TBXAS1: variants seen among roughly 807,000 people sequenced by gnomAD.
The protein encoded by TBXAS1 is thromboxane-A synthase.
In TBXAS1, 48 loss-of-function variants were observed where a neutral mutation model predicts 60.7. The observed-to-expected ratio is 0.79, with a 90% CI of 0.63 to 1.01. TBXAS1 has a LOEUF of 1.01. Among genes scored for constraint, TBXAS1 ranks in the 50% least tolerant of loss-of-function variants. TBXAS1 has a pLI of 0.00. For synonymous variants in TBXAS1, 287 were observed against 269.7 expected (o/e 1.06, Z -0.63); for missense variants, 685 against 686.3 (o/e 1.00, Z 0.02).
chr7:139,956,666 C>T (rs1241629097), intron 7 of TBXAS1, among the ~76,000 whole-genome samples: 1 of 152,230 alleles, frequency 6.6e-6, no homozygotes, highest in Non-Finnish European at 1.5e-5. Flanking sequence ...CTGGCTCCGC[C>T]CTGAAATCGT....
intron 4 of TBXAS1, among the ~76,000 whole-genome samples, chr7:139,820,462 G>A (rs1308337278): frequency 6.6e-6 from 1 of 152,206 alleles, no homozygotes; most frequent in East Asian, 1.9e-4. Flanking sequence ...CTGAATGGTG[G>A]CATTGCTTCA....
At chr7:139,921,615 A>T (rs1806477675) in intron 4 of TBXAS1, among the ~76,000 whole-genome samples, 1 of 152,184 alleles carries the variant, frequency 6.6e-6, no homozygotes, top group Admixed American at 6.5e-5. Flanking sequence ...AGGGAAGAGG[A>T]TGCCTTGAGC....
chr7:139,894,587 A>G (rs1803929797), intron 3 of TBXAS1, among the ~76,000 whole-genome samples: 1 of 152,208 alleles, frequency 6.6e-6, no homozygotes, highest in South Asian at 2.1e-4. Context: ...TGACCCAGGT[A>G]TCCAAGGGAT....
chr7:140,015,284 G>C (rs1814937198), intron 10 of TBXAS1, among the ~76,000 whole-genome samples: 1 of 152,074 alleles, frequency 6.6e-6, no homozygotes, highest in Admixed American at 6.5e-5. Context: ...GGGAGCGAGA[G>C]GGTGAGCAAG....
At chr7:139,976,583 A>C (rs181575604) in intron 9 of TBXAS1, among the ~76,000 whole-genome samples, 2 of 152,252 alleles carry the variant, frequency 1.3e-5, no homozygotes, top group Admixed American at 1.3e-4. Context: ...TGTGCATGCC[A>C]CCGGTCAGAC....
intron 1 of TBXAS1, among the ~76,000 whole-genome samples, chr7:139,842,982 C>T (rs569388887): frequency 1.8e-4 from 27 of 152,208 alleles, no homozygotes; most frequent in Non-Finnish European, 2.5e-4. Flanking sequence ...GCCTTGTTTC[C>T]CTGAGCACTG....
chr7:139,807,174 G>A (rs1372062423), intron 4 of TBXAS1, among the ~76,000 whole-genome samples: 3 of 152,196 alleles, frequency 2.0e-5, no homozygotes, highest in African/African-American at 7.2e-5. Context: ...GGTCTCAGAG[G>A]TCATCAGGGA....
At chr7:139,942,608 G>A (rs2117238708) in intron 5 of TBXAS1, among the ~76,000 whole-genome samples, 1 of 152,310 alleles carries the variant, frequency 6.6e-6, no homozygotes, top group South Asian at 2.1e-4. Flanking sequence ...AAGAGCTGAT[G>A]GTACCCCATT....
chr7:139,830,501 C>T (rs1377220886), intron 1 of TBXAS1, among the ~76,000 whole-genome samples: 1 of 151,788 alleles, frequency 6.6e-6, no homozygotes, highest in African/African-American at 2.4e-5. Context: ...GAAACCCAGC[C>T]TCAGTCCCAG....
At chr7:139,946,056 G>C (rs370179528) in intron 5 of TBXAS1, among the ~76,000 whole-genome samples, 1 of 152,240 alleles carries the variant, frequency 6.6e-6, no homozygotes, top group African/African-American at 2.4e-5. Context: ...GATCTGGCCA[G>C]GCATGGTGGC....
At chr7:139,856,612 G>A (rs1800600479) in intron 1 of TBXAS1, among the ~76,000 whole-genome samples, 1 of 152,220 alleles carries the variant, frequency 6.6e-6, no homozygotes, top group South Asian at 2.1e-4. Context: ...GAGGAGTCAT[G>A]AATATTTATG....
chr7:139,786,380 T>C (rs1470994993), intron 3 of TBXAS1, among the ~76,000 whole-genome samples: 1 of 152,110 alleles, frequency 6.6e-6, no homozygotes, highest in Non-Finnish European at 1.5e-5. Context: ...CTAGACAGCT[T>C]TGAACCGTTC....
Position 139,778,577 on chromosome 7 carries a change from A to C in TBXAS1, c.-318+106A>C, listed in dbSNP as rs1191647588. The C allele has an allele frequency of 1.3e-5, 2 of 152,240 alleles. No homozygotes were observed. The highest frequency in any genetic ancestry group is 2.9e-5 in the Non-Finnish European group (2 of 68,058). 9.4% of individuals were successfully genotyped at this position (152,240 alleles called of 1,614,324 possible). ...AGCCACACGAGGTCAGAGGCACCGAAGCCCTGCCGTGCACGCCGCGGAAAT... is the reference window on the plus strand; with the variant it reads ...AGCCACACGAGGTCAGAGGCACCGACGCCCTGCCGTGCACGCCGCGGAAAT... On this transcript the variant is annotated intron_variant, in intron 1 of 16. Coordinates refer to the TBXAS1 transcript ENST00000336425. This position sits in a 1 kb window ranked among gnomAD's most constrained non-coding sequence, Gnocchi z 4.8.
At chr7:139,836,027 T>G (rs867593384) in intron 1 of TBXAS1, among the ~76,000 whole-genome samples, 17 of 144,386 alleles carry the variant, frequency 1.2e-4, no homozygotes, top group African/African-American at 3.3e-4. Flanking sequence ...CCTTTTACAA[T>G]AGCTGCAAAA....
chr7:139,826,182 G>T (rs1407603143), upstream of TBXAS1, among the ~76,000 whole-genome samples: 1 of 152,140 alleles, frequency 6.6e-6, no homozygotes, highest in Non-Finnish European at 1.5e-5. Flanking sequence ...GCTGAACATG[G>T]ATTATTTCAG....
Position 139,962,053 on chromosome 7 carries a change from G to C in TBXAS1, c.954G>C (p.Gln318His). The change falls in exon 9 of 13, where the codon CAG becomes CAC. Residue 318 changes from glutamine to histidine, a missense_variant. Gln to His is a conservative substitution (Grantham distance 24, BLOSUM62 0). Transcript: ENST00000448866. ...GCKPNPSRQHQPSPMARPLTV... is the reference protein window; with the variant it reads ...GCKPNPSRQHHPSPMARPLTV... ...AGCCGAACCCTTCCCGGCAACACCA[G>C]CCCAGCCCTATGGCCAGGCCTTTGA... 1 of 1,614,212 alleles carries C rather than the reference G, an allele frequency of 6.2e-7. No individual in the cohort carries two copies. Among genetic ancestry groups the C allele is most frequent in the Non-Finnish European group, 8.5e-7 (1 of 1,180,046 alleles).
chr7:139,984,947 A>AAAGG (rs1812334661), intron 9 of TBXAS1, among the ~76,000 whole-genome samples: 1 of 9,278 alleles, frequency 1.1e-4, no homozygotes, highest in South Asian at 4.5e-3. Flanking sequence ...AAAGAAAAGA[A>AAAGG]AAGAAAGAAA....
intron 9 of TBXAS1, among the ~76,000 whole-genome samples, chr7:139,965,272 A>G: frequency 6.6e-6 from 1 of 152,052 alleles, no homozygotes; most frequent in Non-Finnish European, 1.5e-5. Context: ...GTTGCAAAGC[A>G]CTGAGACCCC....
rs1796871471 is a variant in TBXAS1 at position 139,778,735 on chromosome 7, G to C, written c.-318+264G>C. ...TTGAATGGGAGCTCACAACTCTCTGGGTCCTCGCTTTTCTCAGCGCTCTCT... is the reference window on the plus strand; with the variant it reads ...TTGAATGGGAGCTCACAACTCTCTGCGTCCTCGCTTTTCTCAGCGCTCTCT... On this transcript the variant is annotated intron_variant, in intron 1 of 16. Coordinates refer to the TBXAS1 transcript ENST00000336425. This position sits in a 1 kb window ranked among gnomAD's most constrained non-coding sequence, Gnocchi z 4.8. Among the ~76,000 whole-genome samples, 1 of 152,084 alleles carries C rather than the reference G, an allele frequency of 6.6e-6. No individual in the cohort carries two copies. The highest frequency in any genetic ancestry group is 2.1e-4 in the South Asian group (1 of 4,822).
Sources: allele counts gnomAD v4.1 joint callset (sites outside exome capture counted in the v4.1 genomes callset), GRCh38; gene constraint gnomAD v4.1.1; non-coding constraint Gnocchi (gnomAD v3.1); transcripts MANE v1.5; gene names NCBI Gene and HGNC (gene_info 2026-07-23, HGNC 2026-07-21).